EXT2: variants seen among roughly 807,000 people sequenced by gnomAD.
EXT2 encodes the protein exostosin-2.
A neutral mutation model predicts 81.6 loss-of-function variants in EXT2; 53 were observed. The observed-to-expected ratio is 0.65, with a 90% CI of 0.52 to 0.82. The LOEUF (loss-of-function observed/expected upper bound fraction) is 0.82. Among genes scored for constraint, EXT2 ranks in the 40% least tolerant of loss-of-function variants. The probability of loss-of-function intolerance (pLI) is 0.00; values close to 1 mark genes in which losing one functional copy is unlikely to be tolerated. For synonymous variants in EXT2, 320 were observed against 340.0 expected (o/e 0.94, Z 0.65); for missense variants, 774 against 910.2 (o/e 0.85, Z 1.93).
At chr11:44,155,662 T>G (rs1954846977) in intron 7 of EXT2, among the ~76,000 whole-genome samples, 1 of 152,154 alleles carries the variant, frequency 6.6e-6, no homozygotes, top group African/African-American at 2.4e-5. Flanking sequence ...CTTTTAACAT[T>G]TTGTTTTTAT....
intron 13 of EXT2, among the ~76,000 whole-genome samples, chr11:44,237,889 C>T (rs982731670): frequency 1.2e-4 from 17 of 141,892 alleles, no homozygotes; most frequent in Non-Finnish European, 1.8e-4. Flanking sequence ...CATGGTGAAA[C>T]CCCGTCTCTA....
At chr11:44,124,620 T>C (rs1307729811) in intron 4 of EXT2, among the ~76,000 whole-genome samples, 169 bp from the exon 5 acceptor site, 1 of 152,188 alleles carries the variant, frequency 6.6e-6, no homozygotes, top group African/African-American at 2.4e-5. Context: ...TCTCACAATA[T>C]ATAATATTTT....
Position 44,234,167 on chromosome 11 carries a change from T to TAGATGCTCATATGAACTGTGA in EXT2, c.1864_1884dup (p.Ala622_Asp628dup), listed in dbSNP as rs1158443134. The TAGATGCTCATATGAACTGTGA allele has an allele frequency of 1.9e-6, 3 of 1,614,038 alleles. No homozygotes were observed. Among genetic ancestry groups the TAGATGCTCATATGAACTGTGA allele is most frequent in the African/African-American group, 2.7e-5 (2 of 74,932 alleles). On this transcript the variant is annotated inframe_insertion, in exon 12 of 14. Coordinates refer to ENST00000533608, the MANE Select transcript of EXT2 (RefSeq NM_207122.2). ...ATGCCTGGGGATATCAAGAACTGGG[T>TAGATGCTCATATGAACTGTGA]AGATGCTCATATGAACTGTGAAGAT...
intron 6 of EXT2, among the ~76,000 whole-genome samples, chr11:44,127,180 C>T (rs979279058): frequency 9.2e-5 from 14 of 152,186 alleles, no homozygotes; most frequent in South Asian, 2.1e-4. Context: ...GAAACACAGC[C>T]GTGTCCCTTC....
chr11:44,119,155 T>TACAC (rs1382529421), intron 4 of EXT2, among the ~76,000 whole-genome samples: 1 of 45,278 alleles, frequency 2.2e-5, no homozygotes, highest in Non-Finnish European at 5.0e-5. Context: ...TATATATATA[T>TACAC]ATATATATAT....
At chr11:44,160,292 T>G (rs1954911875) in intron 7 of EXT2, among the ~76,000 whole-genome samples, 1 of 152,236 alleles carries the variant, frequency 6.6e-6, no homozygotes, top group Admixed American at 6.5e-5. Flanking sequence ...CTCCAGTAAG[T>G]TGTGATTCTC....
At chr11:44,234,579 A>G (rs1955939364) in intron 12 of EXT2, among the ~76,000 whole-genome samples, 1 of 128,738 alleles carries the variant, frequency 7.8e-6, no homozygotes, top group Admixed American at 8.9e-5. Flanking sequence ...ATGTAGTTTA[A>G]ATTTTTCTTA....
intron 7 of EXT2, among the ~76,000 whole-genome samples, chr11:44,132,289 G>T (rs1310498907): frequency 5.3e-5 from 8 of 152,230 alleles, no homozygotes; most frequent in African/African-American, 1.9e-4. Context: ...TAGGAGGGTG[G>T]TGTGGGAACC....
rs1192115471 is a variant in EXT2 at position 44,119,169 on chromosome 11, T to TATATATATATATAG, written c.743+4869_743+4870insTATATATATATAGA. ...ATATATATATATATATATATATATATACACATACACACACACACACACACA... is the reference window on the plus strand; with the variant it reads ...ATATATATATATATATATATATATATATATATATATATAGACACATACACACACACACACACACA... On this transcript the variant is annotated intron_variant, in intron 4 of 13. Transcript: ENST00000533608. Among the ~76,000 whole-genome samples the TATATATATATATAG allele has an allele frequency of 1.5e-3, 94 of 63,130 alleles. 2 individuals are homozygous for TATATATATATATAG. The highest frequency in any genetic ancestry group is 2.4e-3 in the Non-Finnish European group (75 of 31,740). 41.4% of individuals were successfully genotyped at this position (63,130 alleles called of 152,430 possible).
intron 7 of EXT2, among the ~76,000 whole-genome samples, chr11:44,161,433 G>A (rs114702366): frequency 0.01 from 1,587 of 152,076 alleles, 23 homozygotes; most frequent in African/African-American, 0.034. Context: ...GTTTGAAGCT[G>A]TAGTGTGCAA....
chr11:44,199,190 A>G (rs1356951252), intron 9 of EXT2, among the ~76,000 whole-genome samples: 1 of 152,176 alleles, frequency 6.6e-6, no homozygotes, highest in Non-Finnish European at 1.5e-5. Flanking sequence ...GTTTTGTTTG[A>G]TACTTAATAA....
rs1447984677 is a variant in EXT2 at position 44,249,090 on chromosome 11, G to C, written c.*4803G>C. 6.6e-6 allele frequency among the ~76,000 whole-genome samples: 1 copy of C among 151,980 alleles called. No homozygotes were observed. Among genetic ancestry groups the C allele is most frequent in the Non-Finnish European group, 1.5e-5 (1 of 67,996 alleles). ...TGGCTCGCTGCAGCCTCAAACTCCT[G>C]GACTCAAGCAGTCTTCCCATCTCAG... is the stretch of plus-strand genomic sequence containing the variant. On this transcript the variant is annotated 3_prime_UTR_variant, in exon 14 of 14. Coordinates refer to ENST00000533608, the MANE Select transcript of EXT2 (RefSeq NM_207122.2).
At chr11:44,197,075 G>C (rs1955463967) in intron 8 of EXT2, among the ~76,000 whole-genome samples, 1 of 152,176 alleles carries the variant, frequency 6.6e-6, no homozygotes, top group Non-Finnish European at 1.5e-5. Context: ...TCAGAATGTA[G>C]ATTTTTAGCC....
In EXT2 at chr11:44,133,833, A is replaced by G. The variant is rs1023402887; in HGVS notation, c.1173+3695A>G. ...ATTTTGCAGCTTAGAGTTTAGGATCAGAAAGGCTACAATCTGACAGATGTC... is the reference window on the plus strand; with the variant it reads ...ATTTTGCAGCTTAGAGTTTAGGATCGGAAAGGCTACAATCTGACAGATGTC... On this transcript the variant is annotated intron_variant, in intron 7 of 13. Transcript: ENST00000533608. 3.3e-5 allele frequency among the ~76,000 whole-genome samples: 5 copies of G among 152,254 alleles called. No individual in the cohort carries two copies. In the South Asian group the frequency reaches 1.0e-3, roughly 31 times the overall value.
chr11:44,144,847 C>T (rs1954694806), intron 7 of EXT2, among the ~76,000 whole-genome samples: 2 of 152,158 alleles, frequency 1.3e-5, no homozygotes, highest in African/African-American at 4.8e-5. Context: ...TTCTAACGTT[C>T]CCCAAGTAGC....
chr11:44,184,922 G>A (rs1252366220), intron 8 of EXT2, among the ~76,000 whole-genome samples: 1 of 152,050 alleles, frequency 6.6e-6, no homozygotes, highest in East Asian at 1.9e-4. Context: ...CTCATATTTT[G>A]GTACAGTGCT....
In EXT2 at chr11:44,114,339, G is replaced by A. The variant is rs1954191199; in HGVS notation, c.743+38G>A. On this transcript the variant is annotated intron_variant, in intron 4 of 13. Coordinates refer to ENST00000533608, the MANE Select transcript of EXT2 (RefSeq NM_207122.2). ...CATCCCAGCCAGGTGTGCCTTTACT[G>A]AATCTGTGAGATGTTGATGAGGTTT... The A allele has an allele frequency of 6.4e-6, 10 of 1,557,088 alleles. No individual in the cohort carries two copies. The East Asian group carries it at 2.2e-4, about 35-fold the overall frequency.
chr11:44,124,669 C>A, intron 4 of EXT2, 120 bp from the exon 5 acceptor site: 1 of 751,656 alleles, frequency 1.3e-6, no homozygotes, highest in Non-Finnish European at 2.4e-6. Context: ...TTTTAAAAAT[C>A]AGTGGAGGTG....
intron 3 of EXT2, among the ~76,000 whole-genome samples, chr11:44,109,689 G>A (rs762900085): frequency 2.6e-5 from 4 of 152,170 alleles, no homozygotes; most frequent in Non-Finnish European, 5.9e-5. Context: ...ATGGGGGCAC[G>A]CTGATTCTCA....
Sources: allele counts gnomAD v4.1 joint callset (sites outside exome capture counted in the v4.1 genomes callset), GRCh38; gene constraint gnomAD v4.1.1; transcripts MANE v1.5; gene names NCBI Gene and HGNC (gene_info 2026-07-23, HGNC 2026-07-21).